The following TMTC1 variants were observed in gnomAD, a reference collection of about 807,000 sequenced individuals.
TMTC1 encodes the protein transmembrane O-mannosyltransferase targeting cadherins 1.
A neutral mutation model predicts 104.8 loss-of-function variants in TMTC1; 73 were observed. The observed-to-expected ratio is 0.70, with a 90% CI of 0.58 to 0.85. The LOEUF (loss-of-function observed/expected upper bound fraction) is 0.85. Ranked by LOEUF, TMTC1 falls within the 40% of genes least tolerant of loss-of-function variation. TMTC1 has a pLI of 0.00. For missense variants in TMTC1, 1,035 were observed against 1,096.1 expected, an observed-to-expected ratio of 0.94 and a Z score of 0.79; for synonymous variants, 434 against 428.7, an observed-to-expected ratio of 1.01 and a Z score of -0.15.
At chr12:29,527,673 G>A (rs975949291) in intron 11 of TMTC1, among the ~76,000 whole-genome samples, 3 of 152,214 alleles carry the variant, frequency 2.0e-5, no homozygotes, top group African/African-American at 7.2e-5. Context: ...CACAGTCTCA[G>A]CTTCTGAAGT....
At chr12:29,654,031 G>T (rs1190291471) in intron 5 of TMTC1, among the ~76,000 whole-genome samples, 1 of 152,158 alleles carries the variant, frequency 6.6e-6, no homozygotes, top group Non-Finnish European at 1.5e-5. Flanking sequence ...AAGAATTTGA[G>T]TTAGGCAAAG....
intron 1 of TMTC1, among the ~76,000 whole-genome samples, chr12:29,773,229 T>C (rs61742125): frequency 0.028 from 4,242 of 152,190 alleles, 98 homozygotes; most frequent in Non-Finnish European, 0.044. Flanking sequence ...GTTTGCAGCA[T>C]GCCATATCCC....
At chr12:29,643,134 T>C (rs1195616772) in intron 5 of TMTC1, among the ~76,000 whole-genome samples, 1 of 151,618 alleles carries the variant, frequency 6.6e-6, no homozygotes, top group African/African-American at 2.4e-5. Context: ...ATCAAAAAAA[T>C]CAAAAACAGT....
chr12:29,764,818 G>A (rs1434539049), intron 2 of TMTC1, among the ~76,000 whole-genome samples: 1 of 151,856 alleles, frequency 6.6e-6, no homozygotes, highest in African/African-American at 2.4e-5. Flanking sequence ...ACAAAAGCTC[G>A]CTGCAACTTT....
chr12:29,744,247 G>A (rs1942896764), intron 5 of TMTC1, among the ~76,000 whole-genome samples: 1 of 152,178 alleles, frequency 6.6e-6, no homozygotes, highest in African/African-American at 2.4e-5. Flanking sequence ...ACCCAATCAA[G>A]ATGAAGCAGA....
Position 29,783,462 on chromosome 12 carries a change from A to G in TMTC1, c.290T>C (p.Val97Ala), listed in dbSNP as rs1286801164. The change falls in exon 1 of 18, where the codon GTC becomes GCC. Residue 97 changes from valine (V) to alanine (A), a missense_variant. Val to Ala is a moderately conservative substitution (Grantham distance 64). Transcript: ENST00000539277. The surrounding 1 kb of genome is among the most constrained non-coding windows in gnomAD (Gnocchi z 4.7). ...GTGAGGGACTCACTTGAAGGTGAGGACGCAGAGCGGCCGGTAGGACTTGTG... is the reference window on the plus strand; with the variant it reads ...GTGAGGGACTCACTTGAAGGTGAGGGCGCAGAGCGGCCGGTAGGACTTGTG... Reference protein sequence around the residue: ...TSHKSYRPLCVLTFKLNIFLT... With the variant: ...TSHKSYRPLCALTFKLNIFLT... 1 of 1,331,180 alleles carries G rather than the reference A, an allele frequency of 7.5e-7. No individual in the cohort carries two copies. 82.5% of individuals were successfully genotyped at this position (1,331,180 alleles called of 1,614,324 possible). A position where few individuals can be genotyped will look rare whatever the true frequency, so the allele number is the denominator to read the frequency against.
At chr12:29,732,675 A>T (rs1942575414) in intron 5 of TMTC1, among the ~76,000 whole-genome samples, 1 of 152,188 alleles carries the variant, frequency 6.6e-6, no homozygotes, top group Admixed American at 6.5e-5. Flanking sequence ...GGATTTAAAA[A>T]AAATTACAGT....
chr12:29,691,318 T>C (rs1274254842), intron 5 of TMTC1, among the ~76,000 whole-genome samples: 1 of 151,932 alleles, frequency 6.6e-6, no homozygotes, highest in Non-Finnish European at 1.5e-5. Flanking sequence ...GCAAGAGAAA[T>C]TCACTTCGAC....
At chr12:29,732,017 AAT>A (rs1942556767) in intron 5 of TMTC1, among the ~76,000 whole-genome samples, 1 of 152,218 alleles carries the variant, frequency 6.6e-6, no homozygotes, top group African/African-American at 2.4e-5. Context: ...TAGTCAATTA[AAT>A]ATTTATTCCA....
chr12:29,711,978 G>C (rs1240381209), intron 5 of TMTC1, among the ~76,000 whole-genome samples: 4 of 117,594 alleles, frequency 3.4e-5, no homozygotes, highest in Admixed American at 1.3e-4. Flanking sequence ...CTGCACTCCA[G>C]CCTGGGAGAC....
intron 5 of TMTC1, among the ~76,000 whole-genome samples, chr12:29,706,765 G>C (rs1456898116): frequency 6.6e-6 from 1 of 151,956 alleles, no homozygotes; most frequent in Admixed American, 6.6e-5. Context: ...ATTCAATGTG[G>C]GTATTTTTTG....
At position 29,516,569 on chromosome 12, in the gene TMTC1, C is replaced by T. The variant is rs184394053; in HGVS notation, c.2170-83G>A. Reference sequence around the variant, plus strand: ...CATCCCTGAATAGAAGCATTCAGAACGCACTCCTGACAAACATGCTCAGCA... The same window carrying T: ...CATCCCTGAATAGAAGCATTCAGAATGCACTCCTGACAAACATGCTCAGCA... On this transcript the variant is annotated intron_variant, in intron 14 of 17. Transcript: ENST00000539277. 446 of 1,437,516 alleles carry T rather than the reference C, an allele frequency of 3.1e-4. 3 individuals carry two copies. In the South Asian group the frequency reaches 3.7e-3, roughly 12 times the overall value. 89.0% of individuals were successfully genotyped at this position (1,437,516 alleles called of 1,614,324 possible). A position where few individuals can be genotyped will look rare whatever the true frequency, so the allele number is the denominator to read the frequency against.
At chr12:29,628,536 C>T (rs574426665) in intron 6 of TMTC1, among the ~76,000 whole-genome samples, 3 of 152,186 alleles carry the variant, frequency 2.0e-5, no homozygotes, top group African/African-American at 4.8e-5. Flanking sequence ...CCAGCATTAA[C>T]GTCAACACAG....
intron 4 of TMTC1, among the ~76,000 whole-genome samples, chr12:29,753,894 G>A (rs149235096): frequency 7.2e-5 from 11 of 152,294 alleles, no homozygotes; most frequent in Non-Finnish European, 1.3e-4. Flanking sequence ...TTGAGACTGA[G>A]TCTCCCTCTG....
chr12:29,651,142 C>G (rs2033026), intron 5 of TMTC1, among the ~76,000 whole-genome samples: 1 of 152,138 alleles, frequency 6.6e-6, no homozygotes, highest in African/African-American at 2.4e-5. Context: ...GGCTGAAACA[C>G]TTATAAGCTG....
chr12:29,616,011 G>A, intron 6 of TMTC1, among the ~76,000 whole-genome samples: 1 of 152,068 alleles, frequency 6.6e-6, no homozygotes, highest in East Asian at 1.9e-4. Context: ...CCCTAAAAAG[G>A]GGTTCCAAAT....
chr12:29,661,841 A>G (rs1239482816), intron 5 of TMTC1, among the ~76,000 whole-genome samples: 2 of 152,116 alleles, frequency 1.3e-5, no homozygotes, highest in African/African-American at 2.4e-5. Context: ...GGTTCTTGGA[A>G]CCAAACTAGG....
At chr12:29,671,020 G>T (rs1244861998) in intron 5 of TMTC1, among the ~76,000 whole-genome samples, 1 of 151,012 alleles carries the variant, frequency 6.6e-6, no homozygotes, top group African/African-American at 2.4e-5. Flanking sequence ...TCAGCCAGGC[G>T]CAGTGGCTTA....
intron 17 of TMTC1, 102 bp from the exon 18 acceptor site, chr12:29,507,088 A>T (rs1943713360): frequency 2.1e-6 from 2 of 958,262 alleles, no homozygotes; most frequent in Non-Finnish European, 3.3e-6. Context: ...GTTTTACATT[A>T]ATGTTCTCAT....
Sources: allele counts gnomAD v4.1 joint callset (sites outside exome capture counted in the v4.1 genomes callset), GRCh38; gene constraint gnomAD v4.1.1; non-coding constraint Gnocchi (gnomAD v3.1); transcripts MANE v1.5; gene names NCBI Gene and HGNC (gene_info 2026-07-23, HGNC 2026-07-21).